Variants in PTPRD observed in about 807,000 individuals in gnomAD.
PTPRD encodes receptor-type tyrosine-protein phosphatase delta.
In PTPRD, 34 loss-of-function variants were observed where a neutral mutation model predicts 214.5. That is an observed-to-expected ratio of 0.16 (90% CI 0.12 to 0.21). The LOEUF is 0.21. PTPRD is among the 10% of genes least tolerant of loss of function. The pLI is 1.00. For missense variants in PTPRD, 2,545 were observed against 2,398.7 expected, an observed-to-expected ratio of 1.06 and a Z score of -1.27; for synonymous variants, 1,128 against 845.7, an observed-to-expected ratio of 1.33 and a Z score of -5.79.
chr9:8,662,198 T>C (rs561490162), intron 12 of PTPRD, among the ~76,000 whole-genome samples: 1 of 152,316 alleles, frequency 6.6e-6, no homozygotes, highest in Non-Finnish European at 1.5e-5. Context: ...GCATGTTTAA[T>C]TACATAAATG....
intron 11 of PTPRD, among the ~76,000 whole-genome samples, chr9:9,001,430 G>T (rs572014985): frequency 2.6e-4 from 39 of 152,076 alleles, no homozygotes; most frequent in African/African-American, 9.4e-4. Context: ...TAGGATTTAG[G>T]ACCCCAACAT....
chr9:9,905,943 G>C (rs936950661), intron 5 of PTPRD, among the ~76,000 whole-genome samples: 1 of 151,968 alleles, frequency 6.6e-6, no homozygotes, highest in African/African-American at 2.4e-5. Flanking sequence ...GGTGGGACCA[G>C]AATACGGTGG....
chr9:8,343,773 A>C (rs1175537944), intron 39 of PTPRD, among the ~76,000 whole-genome samples: 1 of 152,120 alleles, frequency 6.6e-6, no homozygotes, highest in East Asian at 1.9e-4. Context: ...TACACAAAGC[A>C]TGCAGTAAGT....
chr9:9,309,184 T>G (rs1958094326), intron 9 of PTPRD, among the ~76,000 whole-genome samples: 2 of 152,078 alleles, frequency 1.3e-5, no homozygotes, highest in African/African-American at 4.8e-5. Context: ...CTAGAATGAT[T>G]TGGTGCCCTG....
At chr9:8,978,018 TC>T (rs1470830123) in intron 11 of PTPRD, among the ~76,000 whole-genome samples, 1 of 152,036 alleles carries the variant, frequency 6.6e-6, no homozygotes, top group Non-Finnish European at 1.5e-5. Context: ...TTTAAAGTAA[TC>T]CAAGCAAAGT....
chr9:9,440,468 G>A (rs1159230218), intron 8 of PTPRD, among the ~76,000 whole-genome samples: 2 of 152,174 alleles, frequency 1.3e-5, no homozygotes, highest in Non-Finnish European at 2.9e-5. Context: ...CAAAGAGGGT[G>A]TCTAGGAGAG....
At chr9:10,227,748 T>C (rs1405571206) in intron 3 of PTPRD, among the ~76,000 whole-genome samples, 1 of 152,010 alleles carries the variant, frequency 6.6e-6, no homozygotes, top group Non-Finnish European at 1.5e-5. Context: ...TCATCTGTGT[T>C]TATCAGTGTG....
intron 3 of PTPRD, among the ~76,000 whole-genome samples, chr9:10,187,911 T>C (rs1764369844): frequency 6.6e-6 from 1 of 152,224 alleles, no homozygotes; most frequent in Admixed American, 6.5e-5. Context: ...TTTGGTCACT[T>C]TATTCCACTT....
chr9:9,696,416 A>G (rs2097374864), intron 7 of PTPRD, among the ~76,000 whole-genome samples: 2 of 152,058 alleles, frequency 1.3e-5, no homozygotes, highest in South Asian at 4.1e-4. Flanking sequence ...GTCCCATGCT[A>G]TTATTGTATT....
At chr9:8,454,452 C>CA in intron 33 of PTPRD, 1 of 853,862 alleles carries the variant, frequency 1.2e-6, no homozygotes, top group Non-Finnish European at 1.9e-6. Context: ...GTAGGCTTTG[C>CA]CCATCTTCCA....
At chr9:8,644,830 C>T (rs1431316270) in intron 12 of PTPRD, among the ~76,000 whole-genome samples, 2 of 152,198 alleles carry the variant, frequency 1.3e-5, no homozygotes, top group East Asian at 1.9e-4. Context: ...ATGCCTGACT[C>T]GCAGTCTCCC....
intron 7 of PTPRD, among the ~76,000 whole-genome samples, chr9:9,678,630 G>A (rs1162791501): frequency 1.3e-5 from 2 of 151,750 alleles, no homozygotes; most frequent in Admixed American, 6.6e-5. Flanking sequence ...CAACTTTGGT[G>A]ACTATTCAGG....
At chr9:10,430,658 T>C (rs1055707918) in intron 2 of PTPRD, among the ~76,000 whole-genome samples, 1 of 151,928 alleles carries the variant, frequency 6.6e-6, no homozygotes, top group Non-Finnish European at 1.5e-5. Flanking sequence ...TAATGCAAAT[T>C]AATTATGCCT....
intron 12 of PTPRD, among the ~76,000 whole-genome samples, chr9:8,653,190 G>A (rs1200242881): frequency 6.6e-6 from 1 of 152,056 alleles, no homozygotes. Flanking sequence ...AGACAAAAGA[G>A]AAATCTAAAG....
At chr9:9,362,912 T>C (rs1165122981) in intron 9 of PTPRD, among the ~76,000 whole-genome samples, 1 of 151,192 alleles carries the variant, frequency 6.6e-6, no homozygotes, top group African/African-American at 2.4e-5. Flanking sequence ...TTCTTATTGG[T>C]GTAAAGAGTG....
chr9:9,225,409 C>A (rs1218814062), intron 9 of PTPRD, among the ~76,000 whole-genome samples: 1 of 151,942 alleles, frequency 6.6e-6, no homozygotes, highest in Non-Finnish European at 1.5e-5. Flanking sequence ...GCACCTCTTA[C>A]AAGGAACACT....
At chr9:8,780,692 T>C (rs1388097166) in intron 11 of PTPRD, among the ~76,000 whole-genome samples, 2 of 152,208 alleles carry the variant, frequency 1.3e-5, no homozygotes, top group African/African-American at 4.8e-5. Flanking sequence ...CTACCTCATG[T>C]GAACATGAAT....
At chr9:9,897,454 T>C (rs1213538357) in intron 5 of PTPRD, among the ~76,000 whole-genome samples, 1 of 152,070 alleles carries the variant, frequency 6.6e-6, no homozygotes, top group Non-Finnish European at 1.5e-5. Context: ...AGTAAATCTT[T>C]AGGAAACCAA....
intron 11 of PTPRD, among the ~76,000 whole-genome samples, chr9:8,996,618 A>G (rs986465306): frequency 6.6e-6 from 1 of 152,056 alleles, no homozygotes; most frequent in Non-Finnish European, 1.5e-5. Context: ...AGACCAAGGC[A>G]CCAGCAGATT....
Sources: allele counts gnomAD v4.1 joint callset (sites outside exome capture counted in the v4.1 genomes callset), GRCh38; gene constraint gnomAD v4.1.1; transcripts MANE v1.5; gene names NCBI Gene and HGNC (gene_info 2026-07-23, HGNC 2026-07-21).